Variants in ZFAT observed in about 807,000 individuals in gnomAD.
ZFAT encodes the protein zinc finger protein ZFAT.
A neutral mutation model predicts 117.7 loss-of-function variants in ZFAT; 64 were observed. The ratio of observed to expected loss-of-function variants is 0.54; its 90% CI spans 0.44 to 0.67. The LOEUF (loss-of-function observed/expected upper bound fraction) is 0.67. Among genes scored for constraint, ZFAT ranks in the 30% least tolerant of loss-of-function variants. The pLI is 0.00. For synonymous variants in ZFAT, 679 were observed against 615.0 expected, an observed-to-expected ratio of 1.10 and a Z score of -1.54; for missense variants, 1,433 against 1,584.5, an observed-to-expected ratio of 0.90 and a Z score of 1.62.
chr8:134,759,439 A>G, the ZFAT span, among the ~76,000 whole-genome samples: 4 of 152,218 alleles, frequency 2.6e-5, no homozygotes, highest in African/African-American at 4.8e-5. Context: ...GAACCCCAAG[A>G]TTCCTATTAT....
chr8:134,565,555 C>T (rs756075466), intron 10 of ZFAT, 134 bp from the exon 11 acceptor site: 135 of 835,472 alleles, frequency 1.6e-4, no homozygotes, highest in Middle Eastern at 4.3e-4. Flanking sequence ...AAGGGAACAG[C>T]GACGAGGTGC....
intron 12 of ZFAT, among the ~76,000 whole-genome samples, chr8:134,522,221 T>C (rs1382053692): frequency 2.0e-5 from 3 of 152,236 alleles, no homozygotes; most frequent in African/African-American, 7.2e-5. Context: ...ACCTCCACGG[T>C]AGAGCAGGAG....
intron 11 of ZFAT, among the ~76,000 whole-genome samples, chr8:134,546,071 G>A (rs891915101): frequency 6.6e-6 from 1 of 152,164 alleles, no homozygotes; most frequent in Non-Finnish European, 1.5e-5. Flanking sequence ...TAACACTGAC[G>A]ACGACAACAC....
At chr8:134,710,250 T>G (rs1261052605) in intron 1 of ZFAT, among the ~76,000 whole-genome samples, 1 of 152,166 alleles carries the variant, frequency 6.6e-6, no homozygotes, top group Non-Finnish European at 1.5e-5. Context: ...TCTAACAAAA[T>G]GGAGCCAGAG....
chr8:134,786,756 T>C, the ZFAT span, among the ~76,000 whole-genome samples: 3 of 152,150 alleles, frequency 2.0e-5, no homozygotes, highest in East Asian at 5.8e-4. Context: ...TTCAAATTTA[T>C]TCACATAAAT....
intron 3 of ZFAT, among the ~76,000 whole-genome samples, chr8:134,619,248 T>G (rs1015373821): frequency 6.6e-6 from 1 of 151,764 alleles, no homozygotes; most frequent in Non-Finnish European, 1.5e-5. Flanking sequence ...TATTTTATAA[T>G]AATAATAATA....
Position 134,712,530 on chromosome 8 carries a change from C to A in ZFAT, c.19+315G>T, listed in dbSNP as rs1392276355. Among the ~76,000 whole-genome samples, 8 of 152,104 alleles carry A rather than the reference C, an allele frequency of 5.3e-5. No individual in the cohort carries two copies. In the East Asian group the frequency reaches 5.8e-4, roughly 11 times the overall value. ...TGGCATCGCCGGGATTCGAACCTCG[C>A]GCCCACTGCGTTCCGTCGCTGGCCC... On this transcript the variant is annotated intron_variant, in intron 1 of 15. Coordinates refer to ENST00000377838, the MANE Select transcript of ZFAT (RefSeq NM_020863.4).
the ZFAT span, among the ~76,000 whole-genome samples, chr8:134,740,844 T>C: frequency 3.3e-5 from 5 of 152,270 alleles, no homozygotes; most frequent in African/African-American, 1.2e-4. Flanking sequence ...AGTAAGACAA[T>C]GTCTAGAAGA....
rs760091804 is a variant in ZFAT, at chr8:134,565,353, C to T, written c.2956G>A (p.Glu986Lys). ...CTTACCTTGAAGGAGACATGCTGTT[C>T]CATGTGCCGCAGCAGCTGTGGCTTC... is the stretch of plus-strand genomic sequence containing the variant. Reference protein sequence around the residue: ...AQKPQLLRHMEQHVSFKPFRC... With the variant: ...AQKPQLLRHMKQHVSFKPFRC... Residue 986 changes from glutamate (E) to lysine (K), a missense_variant, in exon 11 of 16, where the codon GAA (glutamate) becomes AAA (lysine). Glu to Lys is a moderately conservative substitution (Grantham distance 56, BLOSUM62 1). Transcript: ENST00000377838. 1.9e-6 allele frequency: 3 copies of T among 1,613,888 alleles called. No homozygotes were observed. The highest frequency in any genetic ancestry group is 2.5e-6 in the Non-Finnish European group (3 of 1,179,878).
At chr8:134,547,046 T>A (rs1294814444) in intron 11 of ZFAT, among the ~76,000 whole-genome samples, 1 of 152,218 alleles carries the variant, frequency 6.6e-6, no homozygotes, top group Non-Finnish European at 1.5e-5. Context: ...TCACTGAGTT[T>A]CTACTACATG....
chr8:134,820,386 T>C, the ZFAT span, among the ~76,000 whole-genome samples: 1 of 152,246 alleles, frequency 6.6e-6, no homozygotes, highest in African/African-American at 2.4e-5. Flanking sequence ...CTACCAAGAC[T>C]GTAAGCTCCT....
chr8:134,579,778 C>T (rs1356855604), intron 10 of ZFAT, among the ~76,000 whole-genome samples: 1 of 151,908 alleles, frequency 6.6e-6, no homozygotes, highest in Admixed American at 6.6e-5. Context: ...TGGCGAAACC[C>T]CATCTCTACC....
At position 134,572,419 on chromosome 8, in the gene ZFAT, C is replaced by A. The variant is rs990428289; in HGVS notation, c.2888-6998G>T. Among the ~76,000 whole-genome samples the A allele has an allele frequency of 2.6e-5, 4 of 152,304 alleles. 1 individual carries two copies. In the South Asian group the frequency reaches 8.3e-4, roughly 32 times the overall value. ...GGCTGAGATGTTTCATCCGCTACTG[C>A]ACACAAACCAGAAGACAGATCTTTC... On this transcript the variant is annotated intron_variant, in intron 10 of 15. Coordinates refer to ENST00000377838, the MANE Select transcript of ZFAT (RefSeq NM_020863.4).
the ZFAT span, among the ~76,000 whole-genome samples, chr8:134,745,262 T>A: frequency 9.8e-5 from 15 of 152,308 alleles, no homozygotes; most frequent in African/African-American, 3.6e-4. Context: ...CTACCACGGT[T>A]CCCTGGTCTA....
At chr8:134,632,893 T>C (rs1363936254) in intron 3 of ZFAT, among the ~76,000 whole-genome samples, 1 of 152,176 alleles carries the variant, frequency 6.6e-6, no homozygotes, top group Admixed American at 6.5e-5. Context: ...AGCTCACTAG[T>C]GACCAAGGGG....
intron 1 of ZFAT, among the ~76,000 whole-genome samples, chr8:134,711,609 G>A (rs746481534): frequency 7.2e-5 from 11 of 152,040 alleles, no homozygotes; most frequent in Non-Finnish European, 1.3e-4. Flanking sequence ...GTGATAGTGC[G>A]GGACTCTGTC....
At chr8:134,681,461 G>A (rs866511025) in intron 1 of ZFAT, among the ~76,000 whole-genome samples, 6 of 152,182 alleles carry the variant, frequency 3.9e-5, no homozygotes, top group African/African-American at 1.2e-4. Context: ...TGACACAGTA[G>A]GCACTCCATA....
chr8:134,662,844 C>T (rs1832000248), intron 1 of ZFAT, among the ~76,000 whole-genome samples: 1 of 152,260 alleles, frequency 6.6e-6, no homozygotes, highest in Admixed American at 6.5e-5. Context: ...TGAGCCTCCA[C>T]ATCTCTCTAG....
intron 13 of ZFAT, among the ~76,000 whole-genome samples, chr8:134,516,201 C>G (rs994500176): frequency 6.6e-6 from 1 of 152,226 alleles, no homozygotes. Flanking sequence ...ATGGAATTGA[C>G]CAATGTTCCT....
Sources: gnomAD v4.1 joint callset for allele counts (sites outside exome capture counted in the v4.1 genomes callset) on GRCh38, gnomAD v4.1.1 for gene constraint, MANE v1.5 for transcripts, NCBI Gene and HGNC (gene_info 2026-07-23, HGNC 2026-07-21) for gene names.